The following RB1 variants were observed in gnomAD, a reference collection of about 807,000 sequenced individuals.
The protein encoded by RB1 is retinoblastoma-associated protein.
In RB1, 18 loss-of-function variants were observed where a neutral mutation model predicts 135.4. The observed-to-expected ratio is 0.13, with a 90% CI of 0.09 to 0.20. The LOEUF (loss-of-function observed/expected upper bound fraction) is 0.20, where lower values mean the gene tolerates loss of function less well. Ranked by LOEUF, RB1 falls within the 10% of genes least tolerant of loss-of-function variation. The pLI is 1.00. For missense variants in RB1, 868 were observed against 1,110.0 expected (o/e 0.78, Z 3.10); for synonymous variants, 365 against 373.2 (o/e 0.98, Z 0.25).
At chr13:48,448,876 A>G (rs1444816975) in intron 17 of RB1, among the ~76,000 whole-genome samples, 1 of 152,224 alleles carries the variant, frequency 6.6e-6, no homozygotes, top group African/African-American at 2.4e-5. Context: ...AGGTTCAGAG[A>G]GCAAAACGTT....
chr13:48,477,171 A>G lies in RB1; in HGVS notation c.2664-184A>G, dbSNP rs1949509263. Reference sequence around the variant, plus strand: ...GTATTTTGTGAGAACCACTGAAAAAATACATAGCATCATAAATTTGTGACA... The same window carrying G: ...GTATTTTGTGAGAACCACTGAAAAAGTACATAGCATCATAAATTTGTGACA... On this transcript the variant is annotated intron_variant, in intron 25 of 26. Coordinates refer to ENST00000267163, the MANE Select transcript of RB1 (RefSeq NM_000321.3). 2.0e-5 allele frequency among the ~76,000 whole-genome samples: 3 copies of G among 152,316 alleles called. No individual in the cohort carries two copies. In the South Asian group the frequency reaches 6.2e-4, roughly 32 times the overall value.
At chr13:48,325,817 T>G in intron 2 of RB1, among the ~76,000 whole-genome samples, 1 of 152,182 alleles carries the variant, frequency 6.6e-6, no homozygotes, top group Non-Finnish European at 1.5e-5. Flanking sequence ...ATATACATTT[T>G]CATGCACAAA....
At chr13:48,318,996 G>A (rs1952211169) in intron 2 of RB1, 2 of 731,530 alleles carry the variant, frequency 2.7e-6, no homozygotes, top group Non-Finnish European at 4.9e-6. Context: ...CCTTACATGG[G>A]GGCCGGCAGG....
intron 2 of RB1, among the ~76,000 whole-genome samples, chr13:48,324,173 C>A (rs1211377187): frequency 6.6e-6 from 1 of 152,004 alleles, no homozygotes; most frequent in Non-Finnish European, 1.5e-5. Context: ...TATCCATCAT[C>A]TTAAGCTTTT....
At chr13:48,400,635 A>T (rs1355533040) in intron 17 of RB1, among the ~76,000 whole-genome samples, 3 of 152,124 alleles carry the variant, frequency 2.0e-5, no homozygotes, top group Non-Finnish European at 4.4e-5. Flanking sequence ...TTTTATAGAT[A>T]AAGAGACCTG....
chr13:48,460,600 A>G (rs4151598), intron 20 of RB1, among the ~76,000 whole-genome samples: 2,768 of 152,330 alleles, frequency 0.018, 72 homozygotes, highest in African/African-American at 0.059. Flanking sequence ...AATGAAGTCA[A>G]TTAGTTTACA....
At chr13:48,343,523 T>C (rs1952465626) in intron 3 of RB1, among the ~76,000 whole-genome samples, 1 of 152,172 alleles carries the variant, frequency 6.6e-6, no homozygotes, top group Non-Finnish European at 1.5e-5. Context: ...TACAAAATAA[T>C]AGAAATGACA....
intron 17 of RB1, among the ~76,000 whole-genome samples, chr13:48,419,467 A>G (rs942451701): frequency 6.6e-6 from 1 of 152,232 alleles, no homozygotes; most frequent in African/African-American, 2.4e-5. Flanking sequence ...TAACATCACA[A>G]TTAAAAGAAC....
intron 17 of RB1, among the ~76,000 whole-genome samples, chr13:48,440,854 A>G (rs1949229962): frequency 6.6e-6 from 1 of 152,236 alleles, no homozygotes; most frequent in African/African-American, 2.4e-5. Context: ...AGAGAAAACA[A>G]TTTTAAAATT....
Position 48,367,618 on chromosome 13 carries a change from A to G in RB1, c.1049+15A>G. On this transcript the variant is annotated intron_variant, in intron 10 of 26. Coordinates refer to ENST00000267163, the MANE Select transcript of RB1 (RefSeq NM_000321.3). ...TCTATAGACAGGTATTGCACATGGTATATTTGATTGATTTGCTTTAGATAT... is the reference window on the plus strand; with the variant it reads ...TCTATAGACAGGTATTGCACATGGTGTATTTGATTGATTTGCTTTAGATAT... The G allele has an allele frequency of 1.3e-6, 2 of 1,598,724 alleles. No individual in the cohort carries two copies. Among genetic ancestry groups the G allele is most frequent in the East Asian group, 2.3e-5 (1 of 44,288 alleles).
At position 48,370,661 on chromosome 13, in the gene RB1, C is replaced by T. The variant is rs1468454048; in HGVS notation, c.1127+2057C>T. Among the ~76,000 whole-genome samples the T allele has an allele frequency of 2.0e-5, 3 of 152,222 alleles. No homozygotes were observed. The East Asian group carries it at 5.8e-4, about 29-fold the overall frequency. ...GGGAAGCTTCTATGCCCTCCCTGGC[C>T]AGACAGCTGTCCAGGAGCCTCCACA... On this transcript the variant is annotated intron_variant, in intron 11 of 26. Transcript: ENST00000267163.
intron 11 of RB1, among the ~76,000 whole-genome samples, chr13:48,370,841 G>A (rs768928443): frequency 6.6e-6 from 1 of 152,204 alleles, no homozygotes; most frequent in South Asian, 2.1e-4. Flanking sequence ...TGGGGCTGAA[G>A]GTTCCAACCC....
Position 48,318,140 on chromosome 13 carries a change from G to T in RB1, c.264+10734G>T, listed in dbSNP as rs1476951291. On this transcript the variant is annotated intron_variant, in intron 2 of 26. Coordinates refer to ENST00000267163, the MANE Select transcript of RB1 (RefSeq NM_000321.3). ...CCGGGGCCGTGTCCTGGCTCCTGACGCCCTCCTGCTTCGTCTTCTCTGCCA... is the reference window on the plus strand; with the variant it reads ...CCGGGGCCGTGTCCTGGCTCCTGACTCCCTCCTGCTTCGTCTTCTCTGCCA... The T allele has an allele frequency of 4.1e-5, 21 of 509,728 alleles. No individual in the cohort carries two copies. The Admixed American group carries it at 7.4e-4, about 18-fold the overall frequency. The allele number at this position is 509,728 out of a possible 1,614,324, so 31.6% of individuals were successfully genotyped here.
intron 2 of RB1, chr13:48,317,374 G>C (rs537017878): frequency 1.1e-5 from 4 of 368,776 alleles, no homozygotes; most frequent in East Asian, 9.8e-5. Flanking sequence ...TCTACTTTCC[G>C]AGCGCAGCGC....
At chr13:48,458,121 C>T (rs569307162) in intron 19 of RB1, among the ~76,000 whole-genome samples, 4 of 152,330 alleles carry the variant, frequency 2.6e-5, no homozygotes, top group East Asian at 1.9e-4. Context: ...TGCTTGTCCC[C>T]GGCTCCTCCG....
intron 18 of RB1, among the ~76,000 whole-genome samples, chr13:48,454,997 G>A (rs1472491958): frequency 1.3e-5 from 2 of 152,130 alleles, no homozygotes; most frequent in East Asian, 1.9e-4. Context: ...TGGAGGAAAG[G>A]GACAGGGCAA....
At chr13:48,393,906 C>T (rs1455179741) in intron 17 of RB1, among the ~76,000 whole-genome samples, 2 of 152,192 alleles carry the variant, frequency 1.3e-5, no homozygotes, top group Non-Finnish European at 2.9e-5. Flanking sequence ...CATTCAGTTA[C>T]ACAAGTACTT....
intron 24 of RB1, 29 bp downstream of exon 24, chr13:48,473,419 T>C: frequency 1.3e-6 from 2 of 1,509,908 alleles, no homozygotes; most frequent in South Asian, 1.1e-5. Context: ...TGAAATATAA[T>C]AGTATGCATT....
chr13:48,426,888 ATCAGCTTCTCC>A (rs1566221665), intron 17 of RB1: 1 of 152,296 alleles, frequency 6.6e-6, no homozygotes, highest in African/African-American at 2.4e-5. Flanking sequence ...GAAGCATGGC[ATCAGCTTCTCC>A]TCAGCTTCTG....
Sources: allele counts gnomAD v4.1 joint callset (sites outside exome capture counted in the v4.1 genomes callset), GRCh38; gene constraint gnomAD v4.1.1; transcripts MANE v1.5; gene names NCBI Gene and HGNC (gene_info 2026-07-23, HGNC 2026-07-21).